The following TNNI3 variants were observed in gnomAD, a reference collection of about 807,000 sequenced individuals.
TNNI3 encodes the protein troponin I3, cardiac type, also known as troponin I, cardiac muscle.
TNNI3 carries 23 observed loss-of-function variants against 31.5 expected under a neutral mutation model. The observed-to-expected ratio is 0.73, with a 90% CI of 0.52 to 1.03. The LOEUF (loss-of-function observed/expected upper bound fraction) is 1.03. Among genes scored for constraint, TNNI3 ranks in the 50% least tolerant of loss-of-function variants. The pLI is 0.00. For synonymous variants in TNNI3, 120 were observed against 111.7 expected (o/e 1.07, Z -0.47); for missense variants, 236 against 282.9 (o/e 0.83, Z 1.19).
rs767890375 is a variant in TNNI3, at chr19:55,157,595, G to T, written c.-6C>A. On this transcript the variant is annotated 5_prime_UTR_variant, in exon 1 of 8. Coordinates refer to ENST00000344887, the MANE Select transcript of TNNI3 (RefSeq NM_000363.5). This position sits in a 1 kb window ranked among gnomAD's most constrained non-coding sequence, Gnocchi z 6.3. ...ATCACTCACCCATCCGCCATGCTGA[G>T]ACTCAGGCCGGGAATGGCAGGAGGC... 1.2e-6 allele frequency: 2 copies of T among 1,614,040 alleles called. No homozygotes were observed. The highest frequency in any genetic ancestry group is 2.2e-5 in the South Asian group (2 of 91,072).
At position 55,156,639 on chromosome 19, in the gene TNNI3, T is replaced by A. The variant is rs730881066; in HGVS notation, c.114A>T (p.Lys38Asn). Residue 38 changes from lysine to asparagine, a missense_variant, in exon 4 of 8, where the codon AAA becomes AAT. Physicochemically the swap from Lys to Asn is moderately conservative, Grantham distance 94. This residue lies in a region of TNNI3 where 172 missense variants were observed against 171.8 expected (regional missense o/e 1.00). Transcript: ENST00000344887. The surrounding 1 kb of genome is among the most constrained non-coding windows in gnomAD (Gnocchi z 4.6). ...AYATEPHAKK[K>N]SKISASRKLQ... ...ATTTTCTCGAGGCGGAGATCTTAGA[T>A]TTTTTCTGCCAGGGTGAGATGGAGC... is the stretch of plus-strand genomic sequence containing the variant. The A allele has an allele frequency of 3.2e-6, 5 of 1,564,948 alleles. No individual in the cohort carries two copies. The highest frequency in any genetic ancestry group is 1.2e-5 in the South Asian group (1 of 85,414).
chr19:55,156,277 C>T lies in TNNI3; in HGVS notation c.206G>A (p.Arg69His), dbSNP rs1401968020. 6.2e-7 allele frequency: 1 copy of T among 1,611,392 alleles called. No homozygotes were observed. The highest frequency in any genetic ancestry group is 1.7e-5 in the Admixed American group (1 of 59,864). The change falls in exon 5 of 8, where the codon CGC becomes CAC. Residue 69 changes from arginine to histidine, a missense_variant. Arg to His is a conservative substitution (Grantham distance 29, BLOSUM62 0). Coordinates refer to ENST00000344887, the MANE Select transcript of TNNI3 (RefSeq NM_000363.5). This position sits in a 1 kb window ranked among gnomAD's most constrained non-coding sequence, Gnocchi z 4.6. ...GCTCAGAGCGCGCCCCTTCTCTCCG[C>T]GCCGCTCCTCCGCCTCTCGCTCCAG... Reference protein sequence around the residue: ...QELEREAEERRGEKGRALSTR... With the variant: ...QELEREAEERHGEKGRALSTR...
rs1402061390 is a variant in TNNI3 at position 55,157,221 on chromosome 19, C to T, written c.24+75G>A. 1.3e-5 allele frequency: 21 copies of T among 1,601,204 alleles called. No individual in the cohort carries two copies. The highest frequency in any genetic ancestry group is 2.3e-5 in the East Asian group (1 of 44,254). On this transcript the variant is annotated intron_variant, in intron 2 of 7. Coordinates refer to ENST00000344887, the MANE Select transcript of TNNI3 (RefSeq NM_000363.5). The surrounding 1 kb of genome is among the most constrained non-coding windows in gnomAD (Gnocchi z 6.3). ...CACCCTCTGCTAGGGCTGCAGCCTC[C>T]CGCCCCAGACCCCTCACTGCAGCGC... is the stretch of plus-strand genomic sequence containing the variant.
Position 55,157,370 on chromosome 19 carries a change from C to A in TNNI3, c.12-62G>T. 3.1e-6 allele frequency: 5 copies of A among 1,610,076 alleles called. No individual in the cohort carries two copies. The highest frequency in any genetic ancestry group is 3.4e-5 in the Admixed American group (2 of 59,334). ...GGGCTGTGTCCTGTCTCCTAAGGGA[C>A]CCCTGGAGTCCCCTCTGAACAAGAG... On this transcript the variant is annotated intron_variant, in intron 1 of 7. Transcript: ENST00000344887. The surrounding 1 kb of genome is among the most constrained non-coding windows in gnomAD (Gnocchi z 6.3).
In TNNI3 at chr19:55,152,607, C is replaced by T. The variant is rs2085701575; in HGVS notation, c.550-690G>A. 6.6e-6 allele frequency among the ~76,000 whole-genome samples: 1 copy of T among 152,102 alleles called. No homozygotes were observed. The highest frequency in any genetic ancestry group is 1.5e-5 in the Non-Finnish European group (1 of 68,020). ...CCACATTCATGAGTTTTATTACAAT[C>T]TGTTATAATTGTTCTATTTTATTAT... is the stretch of plus-strand genomic sequence containing the variant. On this transcript the variant is annotated intron_variant, in intron 7 of 7. Transcript: ENST00000344887. This position sits in a 1 kb window ranked among gnomAD's most constrained non-coding sequence, Gnocchi z 4.0.
rs1053793648 is a variant in TNNI3, at chr19:55,156,990, C to T, written c.108+60G>A. 3.8e-5 allele frequency: 58 copies of T among 1,526,502 alleles called. 1 individual carries two copies. The South Asian group carries it at 6.0e-4, about 16-fold the overall frequency. The allele number at this position is 1,526,502 out of a possible 1,614,324, so 94.6% of individuals were successfully genotyped here. A position where few individuals can be genotyped will look rare whatever the true frequency, so the allele number is the denominator to read the frequency against. On this transcript the variant is annotated intron_variant, in intron 3 of 7. Transcript: ENST00000344887. This position sits in a 1 kb window ranked among gnomAD's most constrained non-coding sequence, Gnocchi z 4.6. The stretch of plus-strand genomic sequence containing the variant: ...TTCGCAGCCCTGGCTCCTCCCCCCA[C>T]TCCCAGGGTCTTGGATCCCTCCGGC...
rs377376034 is a variant in TNNI3, at chr19:55,154,711, G to A, written c.372+30C>T. On this transcript the variant is annotated intron_variant, in intron 6 of 7. Coordinates refer to ENST00000344887, the MANE Select transcript of TNNI3 (RefSeq NM_000363.5). ...AGTCCCAGCCATCTCACCCTACCCC[G>A]AAGGTACCCGAGCTGCCCATGCGTC... 6 of 1,605,688 alleles carry A rather than the reference G, an allele frequency of 3.7e-6. No individual in the cohort carries two copies. In the South Asian group the frequency reaches 4.4e-5, roughly 12 times the overall value.
In TNNI3 at chr19:55,156,755, A is replaced by C; in HGVS notation, c.109-111T>G. 7.9e-7 allele frequency: 1 copy of C among 1,258,016 alleles called. No homozygotes were observed. The highest frequency in any genetic ancestry group is 1.3e-5 in the South Asian group (1 of 78,102). 77.9% of individuals were successfully genotyped at this position (1,258,016 alleles called of 1,614,324 possible). ...ACCCAGCCGGTCCAGATTTGGGCCCACGTCCAACTTGAGCCCTGAGTCTAC... is the reference window on the plus strand; with the variant it reads ...ACCCAGCCGGTCCAGATTTGGGCCCCCGTCCAACTTGAGCCCTGAGTCTAC... On this transcript the variant is annotated intron_variant, in intron 3 of 7. Transcript: ENST00000344887. This position sits in a 1 kb window ranked among gnomAD's most constrained non-coding sequence, Gnocchi z 4.6.
intron 6 of TNNI3, chr19:55,154,517 TTC>T (rs930271158): frequency 1.6e-6 from 1 of 633,158 alleles, no homozygotes; most frequent in African/African-American, 1.8e-5. Context: ...CTAACTTATT[TTC>T]TGTTTCCCAA....
Position 55,157,242 on chromosome 19 carries a change from A to G in TNNI3, c.24+54T>C, listed in dbSNP as rs2085740210. 2 of 1,607,164 alleles carry G rather than the reference A, an allele frequency of 1.2e-6. No homozygotes were observed. Among genetic ancestry groups the G allele is most frequent in the African/African-American group, 2.7e-5 (2 of 74,582 alleles). ...CCTCCCGCCCCAGACCCCTCACTGC[A>G]GCGCCCACCCTGGCCCTGGGGGTCC... On this transcript the variant is annotated intron_variant, in intron 2 of 7. Transcript: ENST00000344887. This position sits in a 1 kb window ranked among gnomAD's most constrained non-coding sequence, Gnocchi z 6.3.
chr19:55,157,409 G>A lies in TNNI3; in HGVS notation c.12-101C>T, dbSNP rs1721119342. The A allele has an allele frequency of 1.9e-6, 3 of 1,598,204 alleles. No individual in the cohort carries two copies. The highest frequency in any genetic ancestry group is 1.7e-5 in the Admixed American group (1 of 59,392). ...TCTGAACAAGAGGTCGGGGGACCGC[G>A]CTTCCCCTTCCTTGGGTTCCAGGAG... On this transcript the variant is annotated intron_variant, in intron 1 of 7. Transcript: ENST00000344887. This position sits in a 1 kb window ranked among gnomAD's most constrained non-coding sequence, Gnocchi z 6.3.
Position 55,156,482 on chromosome 19 carries a change from G to T in TNNI3, c.150+121C>A. 6.6e-7 allele frequency: 1 copy of T among 1,506,470 alleles called. No homozygotes were observed. Among genetic ancestry groups the T allele is most frequent in the Non-Finnish European group, 9.0e-7 (1 of 1,112,294 alleles). 93.3% of individuals were successfully genotyped at this position (1,506,470 alleles called of 1,614,324 possible). A position where few individuals can be genotyped will look rare whatever the true frequency, so the allele number is the denominator to read the frequency against. On this transcript the variant is annotated intron_variant, in intron 4 of 7. Transcript: ENST00000344887. The surrounding 1 kb of genome is among the most constrained non-coding windows in gnomAD (Gnocchi z 4.6). ...ACCCCGAGCAGTACTCCCCGCTAAA[G>T]CCACGCCCCGAGCGGCCAAACCCCG...
Position 55,156,367 on chromosome 19 carries a change from G to T in TNNI3, c.151-35C>A. 6.3e-7 allele frequency: 1 copy of T among 1,595,642 alleles called. No homozygotes were observed. The highest frequency in any genetic ancestry group is 8.5e-7 in the Non-Finnish European group (1 of 1,171,778). The stretch of plus-strand genomic sequence containing the variant: ...GGTGGGAGGGAAGCGCAGCCCACCC[G>T]GGGCTTCAGGATAAAGACCAGGCGT... On this transcript the variant is annotated intron_variant, in intron 4 of 7. Coordinates refer to ENST00000344887, the MANE Select transcript of TNNI3 (RefSeq NM_000363.5). This position sits in a 1 kb window ranked among gnomAD's most constrained non-coding sequence, Gnocchi z 4.6.
intron 6 of TNNI3, 52 bp downstream of exon 6, chr19:55,154,689 C>G: frequency 1.3e-6 from 2 of 1,535,438 alleles, no homozygotes; most frequent in Non-Finnish European, 1.8e-6. Context: ...GAGACCAAGT[C>G]CCAGCCATCT....
In TNNI3 at chr19:55,156,500, A is replaced by T; in HGVS notation, c.150+103T>A. ...CGCTAAAGCCACGCCCCGAGCGGCC[A>T]AACCCCGCCCACTTCCGCCCACCTA... On this transcript the variant is annotated intron_variant, in intron 4 of 7. Coordinates refer to ENST00000344887, the MANE Select transcript of TNNI3 (RefSeq NM_000363.5). The surrounding 1 kb of genome is among the most constrained non-coding windows in gnomAD (Gnocchi z 4.6). 6.6e-7 allele frequency: 1 copy of T among 1,523,860 alleles called. No individual in the cohort carries two copies. Among genetic ancestry groups the T allele is most frequent in the Non-Finnish European group, 8.9e-7 (1 of 1,125,960 alleles). 94.4% of individuals were successfully genotyped at this position (1,523,860 alleles called of 1,614,324 possible).
Position 55,156,079 on chromosome 19 carries a change from G to T in TNNI3, c.282+122C>A. ...GGGTGTTAGGGGCCAGGAGTCCCACGAACCATATATAATTGGGTAAGGACA... is the reference window on the plus strand; with the variant it reads ...GGGTGTTAGGGGCCAGGAGTCCCACTAACCATATATAATTGGGTAAGGACA... On this transcript the variant is annotated intron_variant, in intron 5 of 7. Coordinates refer to ENST00000344887, the MANE Select transcript of TNNI3 (RefSeq NM_000363.5). The surrounding 1 kb of genome is among the most constrained non-coding windows in gnomAD (Gnocchi z 4.6). 2.7e-6 allele frequency: 4 copies of T among 1,474,822 alleles called. No homozygotes were observed. The highest frequency in any genetic ancestry group is 1.2e-5 in the South Asian group (1 of 86,438). 91.4% of individuals were successfully genotyped at this position (1,474,822 alleles called of 1,614,324 possible).
Position 55,157,367 on chromosome 19 carries a change from G to A in TNNI3, c.12-59C>T. The A allele has an allele frequency of 6.2e-7, 1 of 1,608,382 alleles. No individual in the cohort carries two copies. The highest frequency in any genetic ancestry group is 8.5e-7 in the Non-Finnish European group (1 of 1,178,380). On this transcript the variant is annotated intron_variant, in intron 1 of 7. Transcript: ENST00000344887. The surrounding 1 kb of genome is among the most constrained non-coding windows in gnomAD (Gnocchi z 6.3). ...GGTGGGCTGTGTCCTGTCTCCTAAG[G>A]GACCCCTGGAGTCCCCTCTGAACAA...
chr19:55,155,718 C>A (rs1313212644), intron 5 of TNNI3, among the ~76,000 whole-genome samples: 2 of 76,378 alleles, frequency 2.6e-5, no homozygotes, highest in African/African-American at 6.2e-5. Flanking sequence ...GGGGCTGGGG[C>A]CTGGACTCCA....
rs759824383 is a variant in TNNI3 at position 55,154,027 on chromosome 19, C to A, written c.549+3G>T. The A allele has an allele frequency of 2.5e-6, 4 of 1,611,628 alleles. No individual in the cohort carries two copies. In the South Asian group the frequency reaches 3.3e-5, roughly 13 times the overall value. On this transcript the variant is annotated splice_donor_region_variant and intron_variant, in intron 7 of 7. Coordinates refer to ENST00000344887, the MANE Select transcript of TNNI3 (RefSeq NM_000363.5). The stretch of plus-strand genomic sequence containing the variant: ...CTCTTTCCTGGCCTTAGCCCACACT[C>A]ACCTTCTCGGTGTCCTCCTTCTTCA...
Sources: gnomAD v4.1 joint callset for allele counts (sites outside exome capture counted in the v4.1 genomes callset) on GRCh38, gnomAD v4.1.1 for gene constraint, gnomAD v4.1.1 regional missense constraint, Gnocchi (gnomAD v3.1) non-coding constraint, MANE v1.5 for transcripts, NCBI Gene and HGNC (gene_info 2026-07-23, HGNC 2026-07-21) for gene names.